The following LCLAT1 variants were observed in gnomAD, a reference collection of about 807,000 sequenced individuals.
LCLAT1 encodes the protein lysocardiolipin acyltransferase 1.
LCLAT1 carries 11 observed loss-of-function variants against 30.7 expected under a neutral mutation model. The observed-to-expected ratio is 0.36, with a 90% CI of 0.23 to 0.59. The LOEUF (loss-of-function observed/expected upper bound fraction) is 0.59. Ranked by LOEUF, LCLAT1 falls within the 20% of genes least tolerant of loss-of-function variation. The pLI is 0.77. For missense variants in LCLAT1, 402 were observed against 458.6 expected, an observed-to-expected ratio of 0.88 and a Z score of 1.13; for synonymous variants, 155 against 151.3, an observed-to-expected ratio of 1.02 and a Z score of -0.18.
intron 1 of LCLAT1, among the ~76,000 whole-genome samples, chr2:30,520,647 A>G (rs1162285470): frequency 6.6e-6 from 1 of 152,220 alleles, no homozygotes; most frequent in Non-Finnish European, 1.5e-5. Context: ...GGCATGTAAA[A>G]TATATGAAAC....
chr2:30,516,468 C>T (rs908658681), intron 1 of LCLAT1, among the ~76,000 whole-genome samples: 1 of 152,168 alleles, frequency 6.6e-6, no homozygotes, highest in African/African-American at 2.4e-5. Context: ...ATTGTTTCTG[C>T]GCGGCTAAGT....
intron 5 of LCLAT1, among the ~76,000 whole-genome samples, chr2:30,596,434 T>A (rs1486714369): frequency 6.6e-6 from 1 of 152,164 alleles, no homozygotes; most frequent in Non-Finnish European, 1.5e-5. Flanking sequence ...GCCATATAAA[T>A]GTCTTCTTTT....
chr2:30,629,812 G>C (rs910456402), intron 5 of LCLAT1, among the ~76,000 whole-genome samples: 2 of 152,046 alleles, frequency 1.3e-5, no homozygotes, highest in African/African-American at 2.4e-5. Flanking sequence ...TTTTTTTAAT[G>C]TGATATCTAT....
At chr2:30,603,612 G>A (rs2148494304) in intron 5 of LCLAT1, among the ~76,000 whole-genome samples, 1 of 152,228 alleles carries the variant, frequency 6.6e-6, no homozygotes, top group Middle Eastern at 3.4e-3. Flanking sequence ...GTTGAAGGAT[G>A]TATTGTAACA....
intron 5 of LCLAT1, among the ~76,000 whole-genome samples, chr2:30,628,589 A>G (rs1012132246): frequency 3.3e-5 from 5 of 152,174 alleles, no homozygotes; most frequent in African/African-American, 1.2e-4. Context: ...AGTGGAGCAG[A>G]AGAGAGAAGG....
intron 1 of LCLAT1, among the ~76,000 whole-genome samples, chr2:30,523,237 A>G (rs565287808): frequency 6.7e-6 from 1 of 150,342 alleles, no homozygotes; most frequent in South Asian, 2.1e-4. Context: ...GGAAGTAGGC[A>G]TTAACAATAC....
intron 1 of LCLAT1, among the ~76,000 whole-genome samples, chr2:30,521,072 GGC>G (rs1685445874): frequency 6.6e-6 from 1 of 152,144 alleles, no homozygotes; most frequent in African/African-American, 2.4e-5. Context: ...TTAAGGAGCT[GGC>G]CAAAACCCAC....
At chr2:30,459,421 T>C (rs752895454) in intron 1 of LCLAT1, 5 of 585,510 alleles carry the variant, frequency 8.5e-6, no homozygotes, top group Non-Finnish European at 1.5e-5. Flanking sequence ...TGTGCATTAA[T>C]CCATTCAGTA....
At chr2:30,528,686 C>G (rs1685848851) in intron 2 of LCLAT1, among the ~76,000 whole-genome samples, 1 of 152,100 alleles carries the variant, frequency 6.6e-6, no homozygotes, top group Non-Finnish European at 1.5e-5. Context: ...ATAATTTCAC[C>G]TATTCCTAAC....
chr2:30,453,080 A>G (rs1334716425), intron 1 of LCLAT1, among the ~76,000 whole-genome samples: 3 of 152,158 alleles, frequency 2.0e-5, no homozygotes, highest in African/African-American at 2.4e-5. Context: ...GATAAAGGGA[A>G]GAGTTATGGT....
intron 3 of LCLAT1, among the ~76,000 whole-genome samples, chr2:30,555,858 G>T (rs1275748099): frequency 4.0e-5 from 5 of 125,436 alleles, no homozygotes; most frequent in African/African-American, 1.5e-4. Flanking sequence ...TTTTTTTTGA[G>T]ATAGAGTCTT....
chr2:30,520,405 A>T (rs933735932), intron 1 of LCLAT1, among the ~76,000 whole-genome samples: 4 of 152,248 alleles, frequency 2.6e-5, no homozygotes, highest in African/African-American at 9.6e-5. Flanking sequence ...ATAGGTGTAT[A>T]TTTAACTACA....
At chr2:30,532,181 T>G (rs918921992) in intron 2 of LCLAT1, among the ~76,000 whole-genome samples, 2 of 152,232 alleles carry the variant, frequency 1.3e-5, no homozygotes, top group Non-Finnish European at 2.9e-5. Context: ...ATCTTTCATG[T>G]TGCTGTAGGT....
chr2:30,490,172 G>A (rs568434226), intron 1 of LCLAT1, among the ~76,000 whole-genome samples: 11 of 150,434 alleles, frequency 7.3e-5, no homozygotes, highest in Non-Finnish European at 1.5e-4. Context: ...TCTGACTACA[G>A]TCTCAGCTAA....
chr2:30,455,912 A>C (rs1681813433), intron 1 of LCLAT1, among the ~76,000 whole-genome samples: 1 of 33,948 alleles, frequency 2.9e-5, no homozygotes, highest in East Asian at 6.3e-4. Context: ...CCTATATCAA[A>C]AAAAAAAAAA....
chr2:30,630,076 C>T (rs1481793146), intron 5 of LCLAT1, among the ~76,000 whole-genome samples: 3 of 152,136 alleles, frequency 2.0e-5, no homozygotes, highest in African/African-American at 7.2e-5. Flanking sequence ...AGACCAAGAT[C>T]ATGTGTTGGC....
rs145866029 is a variant in LCLAT1 at position 30,457,967 on chromosome 2, A to G, written c.-5+10584A>G. 2.3e-3 allele frequency among the ~76,000 whole-genome samples: 345 copies of G among 152,248 alleles called. 2 individuals are homozygous for G. The highest frequency in any genetic ancestry group is 3.6e-3 in the Non-Finnish European group (244 of 68,012). ...TCATAGTACCTCGTATAACATAAGA[A>G]TTCTTTTTAAAAAACTCTTTATTAG... is the stretch of plus-strand genomic sequence containing the variant. On this transcript the variant is annotated intron_variant, in intron 1 of 5. Coordinates refer to ENST00000379509, the MANE Select transcript of LCLAT1 (RefSeq NM_001002257.3).
chr2:30,639,383 T>TAACTGCTGAAAACAC (rs74765547), intron 5 of LCLAT1, among the ~76,000 whole-genome samples: 56 of 152,198 alleles, frequency 3.7e-4, no homozygotes, highest in Middle Eastern at 3.4e-3. Context: ...CTCTGGCCTG[T>TAACTGCTGAAAACAC]TTAAGTGAAA....
chr2:30,466,068 C>CA (rs1682407904), intron 1 of LCLAT1, among the ~76,000 whole-genome samples: 1 of 151,950 alleles, frequency 6.6e-6, no homozygotes, highest in Non-Finnish European at 1.5e-5. Flanking sequence ...AGTTTGCTGA[C>CA]AAACTATTTT....
Sources: gnomAD v4.1 joint callset for allele counts (sites outside exome capture counted in the v4.1 genomes callset) on GRCh38, gnomAD v4.1.1 for gene constraint, MANE v1.5 for transcripts, NCBI Gene and HGNC (gene_info 2026-07-23, HGNC 2026-07-21) for gene names.